The following WDR7 variants were observed in gnomAD, a reference collection of about 807,000 sequenced individuals.
WDR7 encodes the protein WD repeat-containing protein 7.
WDR7 carries 46 observed loss-of-function variants against 169.4 expected under a neutral mutation model. The observed-to-expected ratio is 0.27, with a 90% CI of 0.21 to 0.35. WDR7 has a LOEUF of 0.35. Ranked by LOEUF, WDR7 falls within the 10% of genes least tolerant of loss-of-function variation. WDR7 has a pLI of 1.00. For missense variants in WDR7, 1,534 were observed against 1,859.3 expected (o/e 0.83, Z 3.22); for synonymous variants, 612 against 666.8 (o/e 0.92, Z 1.27).
intron 1 of WDR7, among the ~76,000 whole-genome samples, chr18:56,667,932 A>G (rs2025057345): frequency 6.6e-6 from 1 of 152,200 alleles, no homozygotes; most frequent in Non-Finnish European, 1.5e-5. Context: ...TCTTGTAACC[A>G]GGGAGCTTGA....
intron 16 of WDR7, among the ~76,000 whole-genome samples, chr18:56,775,700 C>T (rs2044231310): frequency 6.6e-6 from 1 of 152,026 alleles, no homozygotes; most frequent in Non-Finnish European, 1.5e-5. Context: ...TTTTCATGGA[C>T]TTCTTTTCGT....
At chr18:56,845,969 A>G (rs920245691) in intron 20 of WDR7, among the ~76,000 whole-genome samples, 1 of 152,182 alleles carries the variant, frequency 6.6e-6, no homozygotes, top group African/African-American at 2.4e-5. Flanking sequence ...ACACTTACGC[A>G]TTTTTAGTGA....
At chr18:56,689,123 C>T (rs2025510218) in intron 7 of WDR7, among the ~76,000 whole-genome samples, 1 of 152,148 alleles carries the variant, frequency 6.6e-6, no homozygotes, top group South Asian at 2.1e-4. Flanking sequence ...CATATTAAGA[C>T]AATACTGAGA....
At chr18:56,872,369 A>C (rs755319115) in intron 20 of WDR7, among the ~76,000 whole-genome samples, 39 of 152,164 alleles carry the variant, frequency 2.6e-4, no homozygotes, top group Non-Finnish European at 4.3e-4. Flanking sequence ...TGAAGTAATC[A>C]ATACCTCATA....
intron 14 of WDR7, among the ~76,000 whole-genome samples, chr18:56,747,375 C>T (rs1360987831): frequency 2.0e-5 from 3 of 152,176 alleles, no homozygotes; most frequent in Non-Finnish European, 4.4e-5. Flanking sequence ...AAACATTCAT[C>T]ACAATAGTTG....
At chr18:57,015,249 G>A (rs2048190773) in intron 26 of WDR7, among the ~76,000 whole-genome samples, 2 of 152,220 alleles carry the variant, frequency 1.3e-5, no homozygotes. Context: ...AGAGACTTGA[G>A]AAGGCTTAGT....
At position 56,779,473 on chromosome 18, in the gene WDR7, A is replaced by G. The variant is rs1298376093; in HGVS notation, c.2990A>G (p.Asp997Gly). Residue 997 changes from aspartate (D) to glycine (G), a missense_variant, in exon 18 of 28, where the codon GAC (aspartate) becomes GGC (glycine). Physicochemically the swap from Asp to Gly is moderately conservative, Grantham distance 94 (BLOSUM62 -1). Transcript: ENST00000254442. ...LAAMHCVMLP[D>G]LLGLDKFRPP... ...GCTATGCACTGTGTTATGCTGCCAG[A>G]CCTACTGGGATTGGATAAATTTAGG... 3 of 1,613,944 alleles carry G rather than the reference A, an allele frequency of 1.9e-6. No homozygotes were observed. Among genetic ancestry groups the G allele is most frequent in the Non-Finnish European group, 2.5e-6 (3 of 1,179,908 alleles).
intron 20 of WDR7, among the ~76,000 whole-genome samples, chr18:56,865,305 G>C (rs1001833425): frequency 6.6e-6 from 1 of 151,978 alleles, no homozygotes; most frequent in African/African-American, 2.4e-5. Context: ...GCTTCAGACA[G>C]GTTTATTTGG....
chr18:56,971,542 G>A (rs190612224), intron 26 of WDR7, among the ~76,000 whole-genome samples: 17 of 152,256 alleles, frequency 1.1e-4, no homozygotes, highest in African/African-American at 4.1e-4. Context: ...GAAGTGCCGT[G>A]CACAACCTTT....
chr18:56,857,837 C>CA (rs1002890867), intron 20 of WDR7, among the ~76,000 whole-genome samples: 3 of 152,010 alleles, frequency 2.0e-5, no homozygotes, highest in Non-Finnish European at 4.4e-5. Context: ...GACCTGCAGC[C>CA]CAAAACGCTG....
At position 56,935,707 on chromosome 18, in the gene WDR7, A is replaced by G. The variant is rs920341759; in HGVS notation, c.3714-81A>G. 5 of 1,357,500 alleles carry G rather than the reference A, an allele frequency of 3.7e-6. No individual in the cohort carries two copies. In the African/African-American group the frequency reaches 5.7e-5, roughly 16 times the overall value. 84.1% of individuals were successfully genotyped at this position (1,357,500 alleles called of 1,614,324 possible). On this transcript the variant is annotated intron_variant, in intron 22 of 27. Coordinates refer to ENST00000254442, the MANE Select transcript of WDR7 (RefSeq NM_015285.3). ...GTGCTCCCATTGACCTTGAACTGAC[A>G]TTATAAGCTGTGTCTAATCTTTTCA...
intron 14 of WDR7, among the ~76,000 whole-genome samples, chr18:56,734,848 AT>A (rs1279933886): frequency 6.6e-6 from 1 of 152,094 alleles, no homozygotes; most frequent in African/African-American, 2.4e-5. Context: ...CCAATACTCA[AT>A]GTAGTATAAC....
intron 15 of WDR7, among the ~76,000 whole-genome samples, chr18:56,757,834 G>A (rs931971414): frequency 6.6e-5 from 10 of 151,982 alleles, no homozygotes; most frequent in African/African-American, 2.2e-4. Flanking sequence ...TGGGCATGGT[G>A]GTTACATGCA....
intron 6 of WDR7, among the ~76,000 whole-genome samples, chr18:56,686,628 A>G (rs1198448344): frequency 6.6e-6 from 1 of 152,194 alleles, no homozygotes. Flanking sequence ...TACTCTGAGT[A>G]TCATCAGAAT....
At chr18:56,684,056 A>G (rs2025399986) in intron 5 of WDR7, among the ~76,000 whole-genome samples, 1 of 152,184 alleles carries the variant, frequency 6.6e-6, no homozygotes, top group African/African-American at 2.4e-5. Context: ...AGGGCTGTCC[A>G]GATCAGATGA....
At position 56,938,609 on chromosome 18, in the gene WDR7, A is replaced by C. The variant is rs888349921; in HGVS notation, c.3908A>C (p.Lys1303Thr). The C allele has an allele frequency of 6.2e-7, 1 of 1,613,276 alleles. No homozygotes were observed. The highest frequency in any genetic ancestry group is 1.3e-5 in the African/African-American group (1 of 75,016). Residue 1303 changes from lysine (K) to threonine (T), a missense_variant, in exon 24 of 28, where the codon AAA (lysine) becomes ACA (threonine). By Grantham distance (78) the Lys-to-Thr change is moderately conservative. Coordinates refer to ENST00000254442, the MANE Select transcript of WDR7 (RefSeq NM_015285.3). ...CACACAACAACTCTTGCACGAGCTA[A>C]AGGGGAAATTTTGAGAGTCATTGAA... ...NMHTTTLARAKGEILRVIEIL... is the reference protein window; with the variant it reads ...NMHTTTLARATGEILRVIEIL...
chr18:56,771,892 GA>G (rs142906249), intron 16 of WDR7, among the ~76,000 whole-genome samples: 2,099 of 146,148 alleles, frequency 0.014, 23 homozygotes, highest in East Asian at 0.035. Flanking sequence ...CAAAGAAGAA[GA>G]AAAAAAAAAT....
At chr18:56,901,668 T>C (rs1370695671) in intron 21 of WDR7, among the ~76,000 whole-genome samples, 1 of 152,194 alleles carries the variant, frequency 6.6e-6, no homozygotes, top group Admixed American at 6.5e-5. Context: ...ATTTAACTTT[T>C]ATTTGCCTTT....
chr18:56,951,107 G>A (rs571354638), intron 25 of WDR7, among the ~76,000 whole-genome samples: 2 of 152,266 alleles, frequency 1.3e-5, no homozygotes, highest in East Asian at 3.9e-4. Context: ...TCACCGTTCA[G>A]GTCAACCTCC....
Sources: gnomAD v4.1 joint callset for allele counts (sites outside exome capture counted in the v4.1 genomes callset) on GRCh38, gnomAD v4.1.1 for gene constraint, MANE v1.5 for transcripts, NCBI Gene and HGNC (gene_info 2026-07-23, HGNC 2026-07-21) for gene names.